Variants in ERBB3 observed in about 807,000 individuals in gnomAD.
ERBB3 encodes the protein receptor tyrosine-protein kinase erbB-3.
ERBB3 carries 96 observed loss-of-function variants against 156.7 expected under a neutral mutation model. That is an observed-to-expected ratio of 0.61 (90% CI 0.52 to 0.73). The LOEUF (loss-of-function observed/expected upper bound fraction) is 0.73, where lower values mean the gene tolerates loss of function less well. Ranked by LOEUF, ERBB3 falls within the 30% of genes least tolerant of loss-of-function variation. ERBB3 has a pLI of 0.00. For synonymous variants in ERBB3, 567 were observed against 632.0 expected (o/e 0.90, Z 1.54); for missense variants, 1,406 against 1,709.4 (o/e 0.82, Z 3.13).
rs963428716 is a variant in ERBB3 at position 56,089,063 on chromosome 12, C to A, written c.1109+195C>A. The stretch of plus-strand genomic sequence containing the variant: ...CGGTCCCCTCAGGAACATCTTTGAG[C>A]AATTCAATATCGCCCTGCCAAGGAA... On this transcript the variant is annotated intron_variant, in intron 9 of 27. Transcript: ENST00000267101. 123 of 705,308 alleles carry A rather than the reference C, an allele frequency of 1.7e-4. 3 individuals are homozygous for A. In the South Asian group the frequency reaches 1.8e-3, roughly 10 times the overall value. 43.7% of individuals were successfully genotyped at this position (705,308 alleles called of 1,614,324 possible).
chr12:56,082,583 C>T (rs1868366027), intron 1 of ERBB3, among the ~76,000 whole-genome samples: 1 of 152,120 alleles, frequency 6.6e-6, no homozygotes, highest in Admixed American at 6.5e-5. Context: ...TTGCCTCCCA[C>T]TGAGCTACCA....
chr12:56,102,965 G>GT lies in ERBB3; in HGVS notation c.*910_*911insT. The GT allele has an allele frequency of 4.4e-6, 1 of 228,012 alleles. No homozygotes were observed. Among genetic ancestry groups the GT allele is most frequent in the Non-Finnish European group, 8.7e-6 (1 of 115,098 alleles). The allele number at this position is 228,012 out of a possible 1,614,324, so 14.1% of individuals were successfully genotyped here. Reference sequence around the variant, plus strand: ...AACATAGCAAGACACTGTCTCTACAGGGGAAAAAAAAAAAAGAAACTGAGC... The same window carrying GT: ...AACATAGCAAGACACTGTCTCTACAGTGGGAAAAAAAAAAAAGAAACTGAGC... On this transcript the variant is annotated 3_prime_UTR_variant, in exon 28 of 28. Transcript: ENST00000267101.
intron 5 of ERBB3, 37 bp downstream of exon 5, chr12:56,087,679 C>T (rs761685287): frequency 2.5e-5 from 40 of 1,605,248 alleles, no homozygotes; most frequent in East Asian, 2.2e-4. Flanking sequence ...TTCACTCATA[C>T]GCTTTCATAT....
At position 56,101,249 on chromosome 12, in the gene ERBB3, C is replaced by T. The variant is rs2136829092; in HGVS notation, c.3390C>T (p.Ser1130=). The T allele has an allele frequency of 3.7e-6, 6 of 1,614,076 alleles. No homozygotes were observed. The highest frequency in any genetic ancestry group is 2.2e-5 in the East Asian group (1 of 44,870). The part of the protein sequence containing the change: ...RSRSPRPRGD[S]AYHSQRHSLL... ...GGAGCCCACGGCCACGCGGAGATAG[C>T]GCCTACCATTCCCAGCGCCACAGTC... Residue 1130 remains serine, a synonymous_variant, in exon 27 of 28, where the codon AGC becomes AGT. Coordinates refer to ENST00000267101, the MANE Select transcript of ERBB3 (RefSeq NM_001982.4).
In ERBB3 at chr12:56,083,882, G is replaced by A. The variant is rs1175477384; in HGVS notation, c.214G>A (p.Ala72Thr). 1 of 1,614,110 alleles carries A rather than the reference G, an allele frequency of 6.2e-7. No individual in the cohort carries two copies. The highest frequency in any genetic ancestry group is 2.2e-5 in the East Asian group (1 of 44,882). ...NLEIVLTGHN[A>T]DLSFLQWIRE... ...TGAGATTGTGCTCACGGGACACAAT[G>A]CCGACCTCTCCTTCCTGCAGGTTAG... The change falls in exon 2 of 28, where the codon GCC becomes ACC. Residue 72 changes from alanine to threonine, a missense_variant. Physicochemically the swap from Ala to Thr is moderately conservative, Grantham distance 58. Around this residue, in one of 3 missense-constraint regions of ERBB3, gnomAD observed 979 missense variants for 1,219.6 expected, o/e 0.80. Coordinates refer to ENST00000267101, the MANE Select transcript of ERBB3 (RefSeq NM_001982.4).
intron 9 of ERBB3, among the ~76,000 whole-genome samples, chr12:56,089,932 A>G (rs7301038): frequency 8.0e-6 from 1 of 124,882 alleles, no homozygotes; most frequent in East Asian, 2.3e-4. Flanking sequence ...TTAATTTTTT[A>G]TTTTGACATA....
In ERBB3 at chr12:56,088,037, A is replaced by G. The variant is rs756590738; in HGVS notation, c.749A>G (p.Asn250Ser). 38 of 1,614,054 alleles carry G rather than the reference A, an allele frequency of 2.4e-5. No individual in the cohort carries two copies. The highest frequency in any genetic ancestry group is 2.9e-5 in the Non-Finnish European group (34 of 1,180,040). Residue 250 changes from asparagine (N) to serine (S), a missense_variant, in exon 7 of 28, where the codon AAT (asparagine) becomes AGT (serine). Around this residue, in one of 3 missense-constraint regions of ERBB3, gnomAD observed 979 missense variants for 1,219.6 expected, o/e 0.80. Transcript: ENST00000267101. ...TTTTCCCAGGCCTGCCGGCACTTCA[A>G]TGACAGTGGAGCCTGTGTACCTCGC... ...DTDCFACRHF[N>S]DSGACVPRCP...
rs773184763 is a variant in ERBB3, at chr12:56,101,509, C to A, written c.3503-20C>A. ...CTCATGAAGTTCTTCACATACCTAG[C>A]CTTTCTTCTCAACCCCCAGGTACTC... On this transcript the variant is annotated intron_variant, in intron 27 of 27. Coordinates refer to ENST00000267101, the MANE Select transcript of ERBB3 (RefSeq NM_001982.4). 1 of 1,612,648 alleles carries A rather than the reference C, an allele frequency of 6.2e-7. No individual in the cohort carries two copies. The highest frequency in any genetic ancestry group is 1.1e-5 in the South Asian group (1 of 90,780).
At chr12:56,086,419 C>G (rs1024314032) in intron 3 of ERBB3, 112 bp from the exon 4 acceptor site, 2 of 1,279,300 alleles carry the variant, frequency 1.6e-6, no homozygotes, top group Admixed American at 1.7e-5. Flanking sequence ...ACCTATCTGT[C>G]TGCCTCATTC....
intron 11 of ERBB3, 128 bp from the exon 12 acceptor site, chr12:56,093,217 A>G: frequency 1.7e-6 from 2 of 1,162,718 alleles, no homozygotes; most frequent in Non-Finnish European, 2.6e-6. Flanking sequence ...AGGAAAAGGC[A>G]AAAGGAGGGG....
Position 56,101,211 on chromosome 12 carries a change from C to T in ERBB3, c.3352C>T (p.Arg1118Trp), listed in dbSNP as rs138517750. The T allele has an allele frequency of 3.3e-5, 54 of 1,613,764 alleles. No individual in the cohort carries two copies. Among genetic ancestry groups the T allele is most frequent in the African/African-American group, 2.3e-4 (17 of 74,898 alleles). Residue 1118 changes from arginine to tryptophan, a missense_variant, in exon 27 of 28, where the codon CGG becomes TGG. Around this residue, in one of 3 missense-constraint regions of ERBB3, gnomAD observed 415 missense variants for 454.1 expected, o/e 0.91. Transcript: ENST00000267101. ...GGAGAAAGTGTCAATGTGTAGGAGC[C>T]GGAGCAGGAGCCGGAGCCCACGGCC... ...LQEKVSMCRSRSRSRSPRPRG... is the reference protein window; with the variant it reads ...LQEKVSMCRSWSRSRSPRPRG...
intron 9 of ERBB3, among the ~76,000 whole-genome samples, chr12:56,091,277 T>TAA (rs1868676371): frequency 1.5e-4 from 8 of 55,004 alleles, no homozygotes; most frequent in South Asian, 4.1e-4. Context: ...TATATATATA[T>TAA]ATATATATAT....
At position 56,102,185 on chromosome 12, in the gene ERBB3, A is replaced by C. The variant is rs1238265578; in HGVS notation, c.*130A>C. 6.0e-6 allele frequency: 5 copies of C among 838,096 alleles called. No individual in the cohort carries two copies. The highest frequency in any genetic ancestry group is 5.9e-6 in the Non-Finnish European group (3 of 508,958). The allele number at this position is 838,096 out of a possible 1,614,324, so 51.9% of individuals were successfully genotyped here. A position where few individuals can be genotyped will look rare whatever the true frequency, so the allele number is the denominator to read the frequency against. ...TCCCCAGTCCCAGACAATTCCATTC[A>C]ATCTTTGGAGGCTTTTAAACATTTT... On this transcript the variant is annotated 3_prime_UTR_variant, in exon 28 of 28. Coordinates refer to ENST00000267101, the MANE Select transcript of ERBB3 (RefSeq NM_001982.4).
Position 56,096,523 on chromosome 12 carries a change from C to T in ERBB3, c.2076C>T (p.Pro692=). 3 of 1,614,150 alleles carry T rather than the reference C, an allele frequency of 1.9e-6. No individual in the cohort carries two copies. Among genetic ancestry groups the T allele is most frequent in the Non-Finnish European group, 2.5e-6 (3 of 1,180,030 alleles). ...CTCAGAGCATAGAGCCTCTGGACCCCAGTGAGAAGGCTAACAAAGTCTTGG... is the reference window on the plus strand; with the variant it reads ...CTCAGAGCATAGAGCCTCTGGACCCTAGTGAGAAGGCTAACAAAGTCTTGG... The part of the protein sequence containing the change: ...ERGESIEPLD[P]SEKANKVLAR... The change falls in exon 18 of 28, where the codon CCC becomes CCT. Residue 692 remains proline, a synonymous_variant. Transcript: ENST00000267101.
chr12:56,088,277 G>C, intron 7 of ERBB3, 115 bp downstream of exon 7: 2 of 1,196,520 alleles, frequency 1.7e-6, no homozygotes, highest in Non-Finnish European at 2.4e-6. Flanking sequence ...TTGGTGAATG[G>C]TTATGATCAT....
In ERBB3 at chr12:56,095,180, G is replaced by A. The variant is rs1868850901; in HGVS notation, c.1860-77G>A. On this transcript the variant is annotated intron_variant, in intron 15 of 27. Coordinates refer to ENST00000267101, the MANE Select transcript of ERBB3 (RefSeq NM_001982.4). ...GATGCCACGGTAAGTTCTGAAACAA[G>A]CTTTTATATGTTAGGCTGTTGAAAT... The A allele has an allele frequency of 6.1e-6, 7 of 1,146,082 alleles. No individual in the cohort carries two copies. The Admixed American group carries it at 8.4e-5, about 14-fold the overall frequency. The allele number at this position is 1,146,082 out of a possible 1,614,324, so 71.0% of individuals were successfully genotyped here. A position where few individuals can be genotyped will look rare whatever the true frequency, so the allele number is the denominator to read the frequency against.
At chr12:56,090,505 G>A (rs184179645) in intron 9 of ERBB3, among the ~76,000 whole-genome samples, 133 of 152,144 alleles carry the variant, frequency 8.7e-4, no homozygotes, top group Non-Finnish European at 3.1e-4. Flanking sequence ...TTAGCTGGGC[G>A]TGGTGGTGTG....
intron 27 of ERBB3, 81 bp downstream of exon 27, chr12:56,101,442 A>G: frequency 6.3e-7 from 1 of 1,590,614 alleles, no homozygotes; most frequent in African/African-American, 1.3e-5. Context: ...CTCTGATCAT[A>G]TGCCTCTCTG....
intron 11 of ERBB3, 95 bp downstream of exon 11, chr12:56,093,171 C>A: frequency 8.4e-7 from 1 of 1,186,190 alleles, no homozygotes; most frequent in African/African-American, 1.5e-5. Context: ...TCTCATACAG[C>A]AGTGCCTCAA....
Sources: gnomAD v4.1 joint callset for allele counts (sites outside exome capture counted in the v4.1 genomes callset) on GRCh38, gnomAD v4.1.1 for gene constraint, gnomAD v4.1.1 regional missense constraint, MANE v1.5 for transcripts, NCBI Gene and HGNC (gene_info 2026-07-23, HGNC 2026-07-21) for gene names.